The following ZNF141 variants were observed in gnomAD, a reference collection of about 807,000 sequenced individuals.
ZNF141 encodes zinc finger protein 141 (clone pHZ-44).
A neutral mutation model predicts 11.3 loss-of-function variants in ZNF141; 7 were observed. That is an observed-to-expected ratio of 0.62 (90% CI 0.35 to 1.16). The LOEUF is 1.16. Ranked by LOEUF, ZNF141 falls within the 50% of genes most tolerant of loss-of-function variation. The probability of loss-of-function intolerance (pLI) is 0.02; values close to 1 mark genes in which losing one functional copy is unlikely to be tolerated. For missense variants in ZNF141, 535 were observed against 554.0 expected (o/e 0.97, Z 0.34); for synonymous variants, 183 against 190.7 (o/e 0.96, Z 0.33).
At chr4:361,428 G>A (rs1251559381) in intron 3 of ZNF141, among the ~76,000 whole-genome samples, 1 of 147,590 alleles carries the variant, frequency 6.8e-6, no homozygotes, top group Admixed American at 6.8e-5. Context: ...TGTGCATAAC[G>A]TGCAGGTTTG....
chr4:344,805 A>G (rs1190626269), intron 3 of ZNF141, among the ~76,000 whole-genome samples: 1 of 152,182 alleles, frequency 6.6e-6, no homozygotes, highest in Non-Finnish European at 1.5e-5. Context: ...AAAATAAAAT[A>G]AAATAAAAAA....
At chr4:341,283 G>C (rs1560178499) in intron 1 of ZNF141, among the ~76,000 whole-genome samples, 3 of 151,966 alleles carry the variant, frequency 2.0e-5, no homozygotes, top group Non-Finnish European at 4.4e-5. Context: ...GGCTGGTCTT[G>C]AACTCCTGAC....
intron 2 of ZNF141, 45 bp downstream of exon 2, chr4:343,953 T>G (rs782356530): frequency 3.2e-6 from 5 of 1,571,988 alleles, no homozygotes; most frequent in African/African-American, 1.4e-5. Context: ...TCTCAGAGCT[T>G]TATTTTATTC....
At chr4:344,656 T>C (rs1553849259) in intron 3 of ZNF141, among the ~76,000 whole-genome samples, 1 of 152,090 alleles carries the variant, frequency 6.6e-6, no homozygotes, top group Non-Finnish European at 1.5e-5. Flanking sequence ...TAGCTGGGCA[T>C]GGTGGTGCGC....
intron 3 of ZNF141, among the ~76,000 whole-genome samples, chr4:364,018 G>A (rs1711605426): frequency 6.6e-6 from 1 of 152,166 alleles, no homozygotes; most frequent in African/African-American, 2.4e-5. Context: ...TGTTGAACCA[G>A]CCTTGCATCC....
chr4:355,594 C>A (rs181408213), intron 3 of ZNF141, among the ~76,000 whole-genome samples: 4 of 152,212 alleles, frequency 2.6e-5, no homozygotes, highest in Admixed American at 2.6e-4. Flanking sequence ...ATGGAATATT[C>A]TTTTCATTTT....
chr4:349,377 ATGTATATGCATGATGATATT>A (rs1721485351), intron 3 of ZNF141, among the ~76,000 whole-genome samples: 1 of 152,076 alleles, frequency 6.6e-6, no homozygotes, highest in Non-Finnish European at 1.5e-5. Flanking sequence ...CTAGGGTTTT[ATGTATATGCATGATGATATT>A]ATCCACAAAC....
chr4:362,924 G>A (rs1312724130), intron 3 of ZNF141, among the ~76,000 whole-genome samples: 1 of 152,160 alleles, frequency 6.6e-6, no homozygotes, highest in Non-Finnish European at 1.5e-5. Flanking sequence ...GAAAGTCATT[G>A]GTAGCTTGAT....
At chr4:345,975 A>AT (rs1179835830) in intron 3 of ZNF141, among the ~76,000 whole-genome samples, 1 of 152,142 alleles carries the variant, frequency 6.6e-6, no homozygotes, top group African/African-American at 2.4e-5. Context: ...GTTAATAGCT[A>AT]TTATAATTTT....
chr4:349,290 G>A (rs925556943), intron 3 of ZNF141, among the ~76,000 whole-genome samples: 4 of 151,574 alleles, frequency 2.6e-5, no homozygotes, highest in African/African-American at 7.3e-5. Context: ...ATCCCAACAA[G>A]CATCTATATG....
chr4:363,880 A>G (rs11937955), intron 3 of ZNF141, among the ~76,000 whole-genome samples: 37,705 of 151,848 alleles, frequency 0.25, 4,669 homozygotes, highest in Middle Eastern at 0.3. Flanking sequence ...TACCTAGTTT[A>G]TTGAGAGTTT....
intron 3 of ZNF141, among the ~76,000 whole-genome samples, chr4:357,272 T>C (rs782785352): frequency 1.3e-5 from 2 of 152,142 alleles, no homozygotes; most frequent in East Asian, 3.9e-4. Flanking sequence ...TTTTAAAAGA[T>C]TGAATAGCTT....
chr4:343,989 T>C, intron 2 of ZNF141, 81 bp downstream of exon 2: 1 of 1,534,068 alleles, frequency 6.5e-7, no homozygotes, highest in Non-Finnish European at 8.7e-7. Flanking sequence ...CCTGGGAACT[T>C]TTATGTTTTA....
intron 3 of ZNF141, among the ~76,000 whole-genome samples, chr4:353,139 G>A (rs889649311): frequency 7.9e-5 from 12 of 152,168 alleles, no homozygotes; most frequent in South Asian, 4.1e-4. Flanking sequence ...TTGGAAGGAC[G>A]AGGAGTGCAG....
intron 3 of ZNF141, among the ~76,000 whole-genome samples, chr4:351,469 G>A (rs1195555487): frequency 1.3e-5 from 2 of 151,480 alleles, no homozygotes; most frequent in Admixed American, 6.6e-5. Flanking sequence ...CTCATGATCC[G>A]CCCCTCGGCC....
At chr4:356,920 C>CAT (rs1721869280) in intron 3 of ZNF141, among the ~76,000 whole-genome samples, 1 of 151,850 alleles carries the variant, frequency 6.6e-6, no homozygotes, top group Non-Finnish European at 1.5e-5. Flanking sequence ...AAGAGACTTA[C>CAT]ATGAAACCTC....
intron 3 of ZNF141, among the ~76,000 whole-genome samples, chr4:346,890 C>CAT (rs1721346997): frequency 4.8e-5 from 6 of 125,796 alleles, no homozygotes; most frequent in African/African-American, 2.0e-4. Flanking sequence ...CACACACACA[C>CAT]ACACCGCCCC....
At chr4:360,856 A>G (rs1207178898) in intron 3 of ZNF141, among the ~76,000 whole-genome samples, 1 of 152,166 alleles carries the variant, frequency 6.6e-6, no homozygotes, top group African/African-American at 2.4e-5. Context: ...AGTTTTCTAT[A>G]TGGTATTTGC....
chr4:338,650 G>GCAC (rs1553847980), intron 1 of ZNF141: 1 of 153,046 alleles, frequency 6.5e-6, no homozygotes, highest in Non-Finnish European at 1.5e-5. Context: ...ACTTGAGGAG[G>GCAC]GTGTGGGCCC....
Sources: gnomAD v4.1 joint callset for allele counts (sites outside exome capture counted in the v4.1 genomes callset) on GRCh38, gnomAD v4.1.1 for gene constraint, MANE v1.5 for transcripts, NCBI Gene and HGNC (gene_info 2026-07-23, HGNC 2026-07-21) for gene names.